TMEM132D: variants seen among roughly 807,000 people sequenced by gnomAD.
TMEM132D encodes transmembrane protein 132D.
TMEM132D carries 21 observed loss-of-function variants against 62.3 expected under a neutral mutation model. The ratio of observed to expected loss-of-function variants is 0.34; its 90% CI spans 0.24 to 0.49. The LOEUF is 0.49. Ranked by LOEUF, TMEM132D falls within the 20% of genes least tolerant of loss-of-function variation. The pLI is 0.99. For missense variants in TMEM132D, 1,346 were observed against 1,402.8 expected, an observed-to-expected ratio of 0.96 and a Z score of 0.65; for synonymous variants, 621 against 575.6, an observed-to-expected ratio of 1.08 and a Z score of -1.13.
At chr12:129,216,321 G>C (rs528076443) in intron 4 of TMEM132D, among the ~76,000 whole-genome samples, 9 of 152,188 alleles carry the variant, frequency 5.9e-5, no homozygotes, top group Non-Finnish European at 1.3e-4. Flanking sequence ...TGAGTACTAA[G>C]TTCATGTCCA....
intron 3 of TMEM132D, among the ~76,000 whole-genome samples, chr12:129,512,196 G>C (rs980730835): frequency 2.9e-4 from 44 of 152,172 alleles, no homozygotes; most frequent in African/African-American, 1.0e-3. Context: ...TACTTTCTGA[G>C]TTTCAGTGGC....
chr12:129,239,803 T>C (rs1879887853), intron 4 of TMEM132D, among the ~76,000 whole-genome samples: 1 of 152,236 alleles, frequency 6.6e-6, no homozygotes, highest in South Asian at 2.1e-4. Context: ...GATTTCATTC[T>C]TCTACCTTGA....
chr12:129,084,326 C>T (rs981490222), intron 6 of TMEM132D, among the ~76,000 whole-genome samples, 171 bp downstream of exon 6: 5 of 152,100 alleles, frequency 3.3e-5, no homozygotes, highest in South Asian at 2.1e-4. Flanking sequence ...TGGAACCTCC[C>T]GAAAAACGCT....
At chr12:129,896,319 C>T (rs1346349981) in intron 1 of TMEM132D, among the ~76,000 whole-genome samples, 1 of 152,118 alleles carries the variant, frequency 6.6e-6, no homozygotes, top group East Asian at 1.9e-4. Flanking sequence ...TTCTGCTGTT[C>T]CAAGAGGCAG....
In TMEM132D at chr12:129,403,803, G is replaced by T. The variant is rs536662049; in HGVS notation, c.1116-65986C>A. The stretch of plus-strand genomic sequence containing the variant: ...GAATAATGAGGGTGCTTACTAGGAA[G>T]GTAGGCAGAGGAGACTCTGCAGAGG... On this transcript the variant is annotated intron_variant, in intron 3 of 8. Transcript: ENST00000422113. Among the ~76,000 whole-genome samples, 3 of 152,262 alleles carry T rather than the reference G, an allele frequency of 2.0e-5. No homozygotes were observed. The South Asian group carries it at 6.2e-4, about 32-fold the overall frequency.
intron 2 of TMEM132D, among the ~76,000 whole-genome samples, chr12:129,656,636 T>C (rs1040722129): frequency 5.3e-5 from 8 of 152,172 alleles, no homozygotes; most frequent in African/African-American, 1.9e-4. Flanking sequence ...CTACCTAAAA[T>C]TGGCGGCTAC....
At chr12:129,320,557 A>G (rs1231798043) in intron 4 of TMEM132D, among the ~76,000 whole-genome samples, 1 of 152,212 alleles carries the variant, frequency 6.6e-6, no homozygotes, top group Non-Finnish European at 1.5e-5. Context: ...GGGTTAGACC[A>G]CGTAGGCTAG....
At chr12:129,380,547 C>T (rs1011907575) in intron 3 of TMEM132D, among the ~76,000 whole-genome samples, 4 of 136,186 alleles carry the variant, frequency 2.9e-5, no homozygotes, top group Non-Finnish European at 6.4e-5. Context: ...CTCGGTTTTA[C>T]TTGCAGACGT....
chr12:129,669,659 T>A (rs1413721729), intron 2 of TMEM132D, among the ~76,000 whole-genome samples: 2 of 151,924 alleles, frequency 1.3e-5, no homozygotes, highest in Non-Finnish European at 2.9e-5. Context: ...GAGCCAAGAT[T>A]ATGCCACTGC....
At chr12:129,294,218 T>C (rs1176067808) in intron 4 of TMEM132D, among the ~76,000 whole-genome samples, 1 of 152,238 alleles carries the variant, frequency 6.6e-6, no homozygotes, top group East Asian at 1.9e-4. Flanking sequence ...TTTAATGCCT[T>C]GAATACGAAT....
chr12:129,883,448 A>G (rs1874664139), intron 1 of TMEM132D, among the ~76,000 whole-genome samples: 1 of 152,210 alleles, frequency 6.6e-6, no homozygotes. Context: ...GGCAGTTCTC[A>G]TTATCATTGA....
At chr12:129,228,453 C>CA (rs561706412) in intron 4 of TMEM132D, among the ~76,000 whole-genome samples, 227 of 152,260 alleles carry the variant, frequency 1.5e-3, no homozygotes, top group African/African-American at 5.1e-3. Flanking sequence ...TTACCACAGT[C>CA]AATTTTTGAA....
At chr12:129,729,467 G>A (rs181314419) in intron 1 of TMEM132D, among the ~76,000 whole-genome samples, 10 of 152,252 alleles carry the variant, frequency 6.6e-5, no homozygotes, top group East Asian at 1.9e-4. Flanking sequence ...GTCTCCAGAC[G>A]TTGCCCCCAG....
At chr12:129,140,839 C>CAA (rs62841262) in intron 5 of TMEM132D, among the ~76,000 whole-genome samples, 47,960 of 134,452 alleles carry the variant, frequency 0.36, 8,643 homozygotes, top group Non-Finnish European at 0.44. Context: ...AACTCTGTCT[C>CAA]AAAAAAAAAA....
At chr12:129,378,888 GA>G (rs987869623) in intron 3 of TMEM132D, among the ~76,000 whole-genome samples, 5 of 152,128 alleles carry the variant, frequency 3.3e-5, no homozygotes, top group African/African-American at 1.2e-4. Context: ...CTTCAGAGAG[GA>G]AAATAACAAA....
intron 4 of TMEM132D, among the ~76,000 whole-genome samples, chr12:129,317,526 G>A (rs2135640635): frequency 6.6e-6 from 1 of 152,276 alleles, no homozygotes; most frequent in African/African-American, 2.4e-5. Context: ...TAATCCGATA[G>A]GATTTCCTTT....
chr12:129,186,414 C>A (rs142132967), intron 5 of TMEM132D, among the ~76,000 whole-genome samples: 173 of 152,312 alleles, frequency 1.1e-3, no homozygotes, highest in African/African-American at 3.9e-3. Flanking sequence ...TGAGAGGGGT[C>A]CAGATGTCCT....
intron 5 of TMEM132D, among the ~76,000 whole-genome samples, chr12:129,176,095 G>T (rs978478880): frequency 6.6e-6 from 1 of 152,176 alleles, no homozygotes; most frequent in Admixed American, 6.5e-5. Context: ...CAAGGACCAC[G>T]TTGCGTGGAA....
intron 1 of TMEM132D, among the ~76,000 whole-genome samples, chr12:129,758,217 A>AT (rs533571150): frequency 9.9e-5 from 15 of 151,600 alleles, no homozygotes; most frequent in East Asian, 1.9e-4. Flanking sequence ...CTTTTATTTT[A>AT]TTTTTTTTAA....
Sources: gnomAD v4.1 joint callset for allele counts (sites outside exome capture counted in the v4.1 genomes callset) on GRCh38, gnomAD v4.1.1 for gene constraint, MANE v1.5 for transcripts, NCBI Gene and HGNC (gene_info 2026-07-23, HGNC 2026-07-21) for gene names.